LGSN: variants seen among roughly 807,000 people sequenced by gnomAD.
LGSN encodes the protein lengsin, lens protein with glutamine synthetase domain.
Under a neutral mutation model 19.5 loss-of-function variants are expected in LGSN, and 21 were observed. That is an observed-to-expected ratio of 1.07 (90% CI 0.76 to 1.55). LGSN has a LOEUF of 1.55. Ranked by LOEUF, LGSN falls within the 40% of genes most tolerant of loss-of-function variation. The pLI is 0.00. For synonymous variants in LGSN, 257 were observed against 215.6 expected, an observed-to-expected ratio of 1.19 and a Z score of -1.68; for missense variants, 673 against 608.5, an observed-to-expected ratio of 1.11 and a Z score of -1.12.
the LGSN span, among the ~76,000 whole-genome samples, chr6:63,403,036 C>G: frequency 6.6e-6 from 1 of 151,970 alleles, no homozygotes; most frequent in African/African-American, 2.4e-5. Flanking sequence ...CCCACAATCA[C>G]ATGAGCCAAT....
the LGSN span, among the ~76,000 whole-genome samples, chr6:63,425,242 A>G: frequency 1.3e-5 from 2 of 152,254 alleles, no homozygotes; most frequent in Admixed American, 6.5e-5. Flanking sequence ...CAACTACTGT[A>G]CAACCCAGCA....
the LGSN span, among the ~76,000 whole-genome samples, chr6:63,542,031 GT>G: frequency 3.4e-5 from 4 of 116,228 alleles, no homozygotes; most frequent in Non-Finnish European, 7.2e-5. Flanking sequence ...TGGTGTGTGT[GT>G]GTGTGTGTGT....
At chr6:63,401,415 G>T in the LGSN span, among the ~76,000 whole-genome samples, 2 of 149,054 alleles carry the variant, frequency 1.3e-5, no homozygotes, top group Non-Finnish European at 3.0e-5. Context: ...AAAAAAAAAA[G>T]TTACAAAATT....
Position 63,319,958 on chromosome 6 carries a change from A to G in LGSN, c.-15T>C. On this transcript the variant is annotated 5_prime_UTR_variant, in exon 1 of 4. Transcript: ENST00000370657. Reference sequence around the variant, plus strand: ...TCATTATTCATCTCAACACTTTTTAAGTTCAGCGTTAGAAACCACAATATC... The same window carrying G: ...TCATTATTCATCTCAACACTTTTTAGGTTCAGCGTTAGAAACCACAATATC... The G allele has an allele frequency of 1.2e-6, 2 of 1,603,558 alleles. No homozygotes were observed. The highest frequency in any genetic ancestry group is 1.7e-6 in the Non-Finnish European group (2 of 1,170,590).
chr6:63,313,867 A>AATAAATAAATAC (rs1403931018), intron 1 of LGSN, among the ~76,000 whole-genome samples: 1 of 88,888 alleles, frequency 1.1e-5, no homozygotes, highest in African/African-American at 4.0e-5. Flanking sequence ...TAAATAAATA[A>AATAAATAAATAC]ATACATACAT....
the LGSN span, among the ~76,000 whole-genome samples, chr6:63,380,828 T>G: frequency 1.3e-4 from 20 of 152,308 alleles, no homozygotes; most frequent in Non-Finnish European, 2.6e-4. Context: ...GGAAACCCTA[T>G]TTGGAATTTG....
At chr6:63,360,298 C>A in the LGSN span, among the ~76,000 whole-genome samples, 76 of 152,300 alleles carry the variant, frequency 5.0e-4, 1 homozygote, top group African/African-American at 1.8e-3. Context: ...TCAGGTACAC[C>A]AATCAGACGT....
At chr6:63,564,179 G>A in the LGSN span, among the ~76,000 whole-genome samples, 1 of 151,850 alleles carries the variant, frequency 6.6e-6, no homozygotes, top group East Asian at 1.9e-4. Flanking sequence ...GGGAGGCTGA[G>A]GCAGGAGAAT....
At chr6:63,345,173 T>C in the LGSN span, among the ~76,000 whole-genome samples, 1 of 152,180 alleles carries the variant, frequency 6.6e-6, no homozygotes, top group South Asian at 2.1e-4. Context: ...CTAAAAACAT[T>C]AGCAATAGAA....
the LGSN span, among the ~76,000 whole-genome samples, chr6:63,555,016 G>C: frequency 6.6e-6 from 1 of 152,170 alleles, no homozygotes; most frequent in East Asian, 1.9e-4. Context: ...ACATGTGGCT[G>C]ATATCAGAAC....
At chr6:63,554,161 A>G in the LGSN span, among the ~76,000 whole-genome samples, 5 of 152,238 alleles carry the variant, frequency 3.3e-5, no homozygotes, top group East Asian at 7.7e-4. Flanking sequence ...AAAAGACTTT[A>G]CAATCCTCAC....
At chr6:63,293,672 G>T (rs952898814) in intron 2 of LGSN, 4 of 451,984 alleles carry the variant, frequency 8.8e-6, no homozygotes, top group Non-Finnish European at 1.8e-5. Context: ...CCTTACCAGA[G>T]TTTGGGTTAA....
the LGSN span, among the ~76,000 whole-genome samples, chr6:63,383,570 T>A: frequency 6.6e-6 from 1 of 152,050 alleles, no homozygotes. Flanking sequence ...TATGCCCTCA[T>A]AAATAAAAAT....
intron 1 of LGSN, among the ~76,000 whole-genome samples, chr6:63,317,322 T>C (rs1489840792): frequency 6.6e-6 from 1 of 152,136 alleles, no homozygotes; most frequent in Non-Finnish European, 1.5e-5. Context: ...CCCAGTGAGG[T>C]ACAGAGAAGT....
the LGSN span, among the ~76,000 whole-genome samples, chr6:63,529,968 A>G: frequency 6.6e-6 from 1 of 152,142 alleles, no homozygotes; most frequent in Non-Finnish European, 1.5e-5. Flanking sequence ...TTGTCTTTTC[A>G]CCATTATTTA....
At chr6:63,499,525 C>A in the LGSN span, among the ~76,000 whole-genome samples, 1 of 152,132 alleles carries the variant, frequency 6.6e-6, no homozygotes, top group South Asian at 2.1e-4. Context: ...ATAGTAGGTT[C>A]TTTGGATAAT....
chr6:63,478,876 T>C, the LGSN span, among the ~76,000 whole-genome samples: 4 of 152,218 alleles, frequency 2.6e-5, no homozygotes, highest in Admixed American at 2.0e-4. Context: ...CTCTCAGCTT[T>C]TCCTTCTACA....
intron 1 of LGSN, among the ~76,000 whole-genome samples, chr6:63,310,644 C>A (rs527785820): frequency 6.6e-6 from 1 of 152,220 alleles, no homozygotes; most frequent in Non-Finnish European, 1.5e-5. Context: ...TTTAGTGCAT[C>A]CCTTTAAAAA....
chr6:63,379,301 G>A, the LGSN span, among the ~76,000 whole-genome samples: 35 of 152,226 alleles, frequency 2.3e-4, 1 homozygote, highest in South Asian at 7.2e-3. Context: ...GATACCATGA[G>A]GCCTGAGCTT....
Sources: allele counts gnomAD v4.1 joint callset (sites outside exome capture counted in the v4.1 genomes callset), GRCh38; gene constraint gnomAD v4.1.1; transcripts MANE v1.5; gene names NCBI Gene and HGNC (gene_info 2026-07-23, HGNC 2026-07-21).